The following KDM4C variants were observed in gnomAD, a reference collection of about 807,000 sequenced individuals.
KDM4C encodes lysine demethylase 4C.
In KDM4C, 81 loss-of-function variants were observed where a neutral mutation model predicts 129.3. The observed-to-expected ratio is 0.63, with a 90% CI of 0.52 to 0.75. The LOEUF is 0.75. Ranked by LOEUF, KDM4C falls within the 30% of genes least tolerant of loss-of-function variation. The pLI is 0.00. For synonymous variants in KDM4C, 573 were observed against 456.1 expected (o/e 1.26, Z -3.26); for missense variants, 1,457 against 1,304.0 (o/e 1.12, Z -1.81).
chr9:7,038,652 T>A (rs1160485852), intron 15 of KDM4C, among the ~76,000 whole-genome samples: 1 of 152,064 alleles, frequency 6.6e-6, no homozygotes, highest in African/African-American at 2.4e-5. Flanking sequence ...ATATAGTCCT[T>A]CTCCATAGAT....
rs528196386 is a variant in KDM4C, at chr9:7,076,297, T to C, written c.2424+27097T>C. On this transcript the variant is annotated intron_variant, in intron 17 of 21. Coordinates refer to ENST00000381309, the MANE Select transcript of KDM4C (RefSeq NM_015061.6). Reference sequence around the variant, plus strand: ...AAGGAAACATAAATGGTAAACAGTTTATTCAAGGAATACATATGGGAAGTG... The same window carrying C: ...AAGGAAACATAAATGGTAAACAGTTCATTCAAGGAATACATATGGGAAGTG... The C allele has an allele frequency of 2.5e-4, 147 of 596,058 alleles. 4 individuals carry two copies. In the South Asian group the frequency reaches 3.4e-3, roughly 14 times the overall value. The allele number at this position is 596,058 out of a possible 1,614,324, so 36.9% of individuals were successfully genotyped here.
At chr9:7,013,584 T>C (rs759497830) in intron 13 of KDM4C, among the ~76,000 whole-genome samples, 53 of 152,182 alleles carry the variant, frequency 3.5e-4, no homozygotes, top group Admixed American at 1.5e-3. Flanking sequence ...TAGAATATTG[T>C]CCTTTTCCTG....
intron 15 of KDM4C, among the ~76,000 whole-genome samples, chr9:7,030,227 T>C (rs1054174721): frequency 1.3e-5 from 2 of 152,196 alleles, no homozygotes; most frequent in African/African-American, 4.8e-5. Flanking sequence ...TACTTACTCA[T>C]TGCATTTTTT....
chr9:6,901,838 A>G (rs1161136638), intron 8 of KDM4C, among the ~76,000 whole-genome samples: 2 of 152,196 alleles, frequency 1.3e-5, no homozygotes, highest in Non-Finnish European at 2.9e-5. Flanking sequence ...TGCTGTGGCT[A>G]AAAAACTAAG....
In KDM4C at chr9:6,986,563, C is replaced by G. The variant is rs147283775; in HGVS notation, c.1574C>G (p.Thr525Arg). The change falls in exon 11 of 22, where the codon ACA (threonine) becomes AGA (arginine). Residue 525 changes from threonine (T) to arginine (R), a missense_variant. Transcript: ENST00000381309. ...GTGGCAGAGAGTAATGGTGTGTTAA[C>G]AGAGGGAGAAGAGAGTGATGTGGAG... The part of the protein sequence containing the change: ...SSVAESNGVL[T>R]EGEESDVESH... The G allele has an allele frequency of 6.2e-7, 1 of 1,613,900 alleles. No individual in the cohort carries two copies. Among genetic ancestry groups the G allele is most frequent in the Admixed American group, 1.7e-5 (1 of 59,992 alleles).
upstream of KDM4C, among the ~76,000 whole-genome samples, chr9:6,754,944 C>T (rs1818193384): frequency 6.9e-6 from 1 of 144,118 alleles, no homozygotes; most frequent in African/African-American, 2.6e-5. Flanking sequence ...TTTTAAGAAA[C>T]TTACAAGTAT....
chr9:6,995,802 G>C (rs191968039), intron 12 of KDM4C, among the ~76,000 whole-genome samples: 3 of 152,038 alleles, frequency 2.0e-5, no homozygotes, highest in Non-Finnish European at 4.4e-5. Context: ...CTCCCAAGTA[G>C]CTGGGACTAC....
intron 19 of KDM4C, among the ~76,000 whole-genome samples, chr9:7,129,060 G>A (rs1028384488): frequency 5.3e-5 from 8 of 152,040 alleles, no homozygotes; most frequent in Admixed American, 2.6e-4. Flanking sequence ...TTCTCCTTTC[G>A]GGGGGTGTGT....
At chr9:6,882,807 C>CGT (rs1423172209) in intron 6 of KDM4C, among the ~76,000 whole-genome samples, 26 of 127,160 alleles carry the variant, frequency 2.0e-4, no homozygotes, top group African/African-American at 6.8e-4. Flanking sequence ...TGTGTGTGTG[C>CGT]GCGTGTGCAC....
intron 1 of KDM4C, chr9:6,734,672 G>T (rs757724837): frequency 1.7e-5 from 5 of 295,560 alleles, no homozygotes; most frequent in Non-Finnish European, 2.6e-5. Flanking sequence ...TAATTGCCGA[G>T]GCTGACTCCT....
At chr9:6,894,348 A>G (rs906451778) in intron 8 of KDM4C, among the ~76,000 whole-genome samples, 1 of 152,222 alleles carries the variant, frequency 6.6e-6, no homozygotes, top group African/African-American at 2.4e-5. Context: ...AGTAATTCAG[A>G]AAGGAACAGA....
At chr9:6,922,323 C>T (rs537647936) in intron 8 of KDM4C, among the ~76,000 whole-genome samples, 1 of 152,328 alleles carries the variant, frequency 6.6e-6, no homozygotes, top group Non-Finnish European at 1.5e-5. Flanking sequence ...ATAGTACTAT[C>T]ATGGTTATAG....
At chr9:7,091,461 G>C (rs1388081505) in intron 17 of KDM4C, among the ~76,000 whole-genome samples, 3 of 152,032 alleles carry the variant, frequency 2.0e-5, no homozygotes, top group Admixed American at 2.0e-4. Flanking sequence ...TTTCCCTCTA[G>C]GAAAAGGCAG....
chr9:6,809,440 G>C (rs532458368), intron 3 of KDM4C, among the ~76,000 whole-genome samples: 16 of 152,302 alleles, frequency 1.1e-4, no homozygotes, highest in African/African-American at 3.8e-4. Context: ...TAATTGAATA[G>C]GTTAGGTCAT....
At chr9:6,924,387 G>T (rs1362713655) in intron 8 of KDM4C, among the ~76,000 whole-genome samples, 1 of 152,174 alleles carries the variant, frequency 6.6e-6, no homozygotes, top group African/African-American at 2.4e-5. Context: ...CTTTCCCTCT[G>T]GCTTCTGGTA....
intron 5 of KDM4C, among the ~76,000 whole-genome samples, chr9:6,862,540 C>T (rs996908077): frequency 6.6e-6 from 1 of 152,180 alleles, no homozygotes; most frequent in Non-Finnish European, 1.5e-5. Context: ...TGGTGGCTCA[C>T]AGCTGTAATC....
At chr9:6,832,882 C>G (rs1056766425) in intron 4 of KDM4C, among the ~76,000 whole-genome samples, 1 of 149,976 alleles carries the variant, frequency 6.7e-6, no homozygotes. Context: ...CACCCACCAC[C>G]TTGCCTGGCT....
chr9:6,760,813 C>T (rs1178307921), intron 1 of KDM4C, among the ~76,000 whole-genome samples: 7 of 151,690 alleles, frequency 4.6e-5, no homozygotes, highest in Non-Finnish European at 1.0e-4. Flanking sequence ...ACCTCGTGAT[C>T]TGCCCACCTC....
intron 5 of KDM4C, among the ~76,000 whole-genome samples, chr9:6,865,162 C>T (rs1841716334): frequency 6.6e-6 from 1 of 151,946 alleles, no homozygotes; most frequent in African/African-American, 2.4e-5. Context: ...GTGCCCGCCA[C>T]CACACCTGGC....
Sources: gnomAD v4.1 joint callset for allele counts (sites outside exome capture counted in the v4.1 genomes callset) on GRCh38, gnomAD v4.1.1 for gene constraint, MANE v1.5 for transcripts, NCBI Gene and HGNC (gene_info 2026-07-23, HGNC 2026-07-21) for gene names.